The following BBX variants were observed in gnomAD, a reference collection of about 807,000 sequenced individuals.
The protein encoded by BBX is HMG box transcription factor BBX.
A neutral mutation model predicts 100.2 loss-of-function variants in BBX; 30 were observed. That is an observed-to-expected ratio of 0.30 (90% CI 0.22 to 0.41). The LOEUF is 0.41. Among genes scored for constraint, BBX ranks in the 10% least tolerant of loss-of-function variants. The pLI, the probability that BBX is intolerant of heterozygous loss-of-function variation, is 1.00. For synonymous variants in BBX, 376 were observed against 388.1 expected, an observed-to-expected ratio of 0.97 and a Z score of 0.37; for missense variants, 1,023 against 1,129.8, an observed-to-expected ratio of 0.91 and a Z score of 1.35.
At chr3:107,758,673 C>T (rs1189311978) in intron 10 of BBX, among the ~76,000 whole-genome samples, 19 of 152,158 alleles carry the variant, frequency 1.2e-4, no homozygotes, top group Admixed American at 1.1e-3. Flanking sequence ...GGGCACATCC[C>T]CTCTGATTAG....
chr3:107,764,056 G>C (rs932163985), intron 10 of BBX, among the ~76,000 whole-genome samples: 1 of 152,098 alleles, frequency 6.6e-6, no homozygotes, highest in Non-Finnish European at 1.5e-5. Context: ...GCAGTGGCAC[G>C]ATCTCAGCTC....
Position 107,789,869 on chromosome 3 carries a change from G to A in BBX, c.2286G>A (p.Pro762=), listed in dbSNP as rs1381584838. Residue 762 remains proline, a synonymous_variant, in exon 14 of 18, where the codon CCG becomes CCA. Coordinates refer to ENST00000325805, the MANE Select transcript of BBX (RefSeq NM_001142568.3). ...ACAAAAAGGAGAAGCCCAATGTTCC[G>A]GAAAAAGGTATTGGTGCCCTCCATC... ...YKHKKEKPNV[P]EKGSGDKWSN... The A allele has an allele frequency of 5.8e-6, 9 of 1,547,612 alleles. No individual in the cohort carries two copies. Among genetic ancestry groups the A allele is most frequent in the South Asian group, 3.6e-5 (3 of 83,740 alleles).
At chr3:107,626,194 A>G (rs867689297) in intron 2 of BBX, among the ~76,000 whole-genome samples, 2 of 152,344 alleles carry the variant, frequency 1.3e-5, no homozygotes, top group East Asian at 1.9e-4. Flanking sequence ...AACATGTTCT[A>G]TATGGGTGAC....
chr3:107,647,333 A>T (rs1158178250), intron 3 of BBX, among the ~76,000 whole-genome samples: 1 of 152,228 alleles, frequency 6.6e-6, no homozygotes, highest in African/African-American at 2.4e-5. Context: ...AAAGCCGGAC[A>T]CTTTATCTGA....
intron 2 of BBX, among the ~76,000 whole-genome samples, chr3:107,620,668 A>G (rs774696715): frequency 2.0e-5 from 3 of 152,128 alleles, no homozygotes; most frequent in African/African-American, 7.2e-5. Flanking sequence ...GGCACAGTCT[A>G]CCTTTCACCA....
chr3:107,789,828 G>A lies in BBX; in HGVS notation c.2245G>A (p.Val749Ile), dbSNP rs566372080. Residue 749 changes from valine (V) to isoleucine (I), a missense_variant, in exon 14 of 18, where the codon GTC becomes ATC. Transcript: ENST00000325805. ...GAAAAAGAACTTATTCCACAAAATT[G>A]TCAGCAAATATAAGCACAAAAAGGA... ...SQKKNLFHKIVSKYKHKKEKP... is the reference protein window; with the variant it reads ...SQKKNLFHKIISKYKHKKEKP... 6 of 1,550,008 alleles carry A rather than the reference G, an allele frequency of 3.9e-6. No individual in the cohort carries two copies. The East Asian group carries it at 1.5e-4, about 38-fold the overall frequency.
At chr3:107,531,286 G>T (rs2048143772) in intron 2 of BBX, among the ~76,000 whole-genome samples, 1 of 152,138 alleles carries the variant, frequency 6.6e-6, no homozygotes, top group African/African-American at 2.4e-5. Context: ...GTAGTACAAG[G>T]AACAGAGGCC....
rs200479657 is a variant in BBX at position 107,773,176 on chromosome 3, C to T, written c.1455C>T (p.Ser485=). 3.7e-5 allele frequency: 59 copies of T among 1,614,046 alleles called. No homozygotes were observed. The Middle Eastern group carries it at 9.9e-4, about 27-fold the overall frequency. ...AGTCTTCGGAATCTGACATTGAGAG[C>T]GTCATATATACCATTGAAGCCGTCG... ...KRQSSESDIE[S]VIYTIEAVAK... Residue 485 remains serine (S), a synonymous_variant, in exon 11 of 18, where the codon AGC becomes AGT. Coordinates refer to ENST00000325805, the MANE Select transcript of BBX (RefSeq NM_001142568.3). The surrounding 1 kb of genome is among the most constrained non-coding windows in gnomAD (Gnocchi z 4.1).
chr3:107,737,247 A>G (rs2063696661), intron 7 of BBX, among the ~76,000 whole-genome samples: 1 of 152,132 alleles, frequency 6.6e-6, no homozygotes, highest in Non-Finnish European at 1.5e-5. Flanking sequence ...TTTAAATTAT[A>G]TCAGACATTT....
intron 2 of BBX, among the ~76,000 whole-genome samples, chr3:107,636,336 A>G (rs985104575): frequency 6.6e-6 from 1 of 152,194 alleles, no homozygotes; most frequent in African/African-American, 2.4e-5. Context: ...TTACCAAGGA[A>G]TGGAGGTGGG....
rs767972391 is a variant in BBX at position 107,773,277 on chromosome 3, G to A, written c.1556G>A (p.Gly519Glu). The part of the protein sequence containing the change: ...KKVRTSSSGK[G>E]SILDAKPPKK... ...GTCCGCACATCCTCAAGTGGCAAGG[G>A]AAGCATTTTGGATGCCAAGCCACCA... The change falls in exon 11 of 18, where the codon GGA becomes GAA. Residue 519 changes from glycine (G) to glutamate (E), a missense_variant. Physicochemically the swap from Gly to Glu is moderately conservative, Grantham distance 98. Coordinates refer to ENST00000325805, the MANE Select transcript of BBX (RefSeq NM_001142568.3). The surrounding 1 kb of genome is among the most constrained non-coding windows in gnomAD (Gnocchi z 4.1). 1.9e-6 allele frequency: 3 copies of A among 1,613,912 alleles called. No homozygotes were observed. Among genetic ancestry groups the A allele is most frequent in the Non-Finnish European group, 2.5e-6 (3 of 1,179,972 alleles).
chr3:107,667,464 AC>A (rs888989284), intron 3 of BBX, among the ~76,000 whole-genome samples: 1 of 151,912 alleles, frequency 6.6e-6, no homozygotes, highest in African/African-American at 2.4e-5. Flanking sequence ...TTAAGTTGCA[AC>A]AAATATTAAA....
intron 2 of BBX, among the ~76,000 whole-genome samples, chr3:107,642,979 C>A (rs756476257): frequency 1.3e-5 from 2 of 152,130 alleles, no homozygotes; most frequent in Non-Finnish European, 2.9e-5. Context: ...ATTAAATATT[C>A]TTCTGTGTAA....
chr3:107,778,348 A>G (rs542422722), intron 12 of BBX, 23 bp from the exon 13 acceptor site: 2 of 1,612,622 alleles, frequency 1.2e-6, no homozygotes, highest in African/African-American at 1.3e-5. Flanking sequence ...GTGCTGATTG[A>G]TTCCCCTCTC....
chr3:107,595,322 C>G (rs1200084488), intron 2 of BBX, among the ~76,000 whole-genome samples: 1 of 152,116 alleles, frequency 6.6e-6, no homozygotes, highest in Admixed American at 6.6e-5. Context: ...AATAAGGGGC[C>G]TAGCTTACCA....
chr3:107,744,774 G>A lies in BBX; in HGVS notation c.750+64G>A, dbSNP rs113140162. 7.7e-6 allele frequency: 10 copies of A among 1,300,600 alleles called. No individual in the cohort carries two copies. The African/African-American group carries it at 8.7e-5, about 11-fold the overall frequency. The allele number at this position is 1,300,600 out of a possible 1,614,324, so 80.6% of individuals were successfully genotyped here. A position where few individuals can be genotyped will look rare whatever the true frequency, so the allele number is the denominator to read the frequency against. ...TGTAAAGTGGGCTTAAATTGGGGCT[G>A]ATAACAGTAACTGAAAGCAATGAAG... On this transcript the variant is annotated intron_variant, in intron 8 of 17. Transcript: ENST00000325805.
intron 5 of BBX, among the ~76,000 whole-genome samples, chr3:107,726,238 C>T (rs770735245): frequency 1.3e-5 from 2 of 151,894 alleles, no homozygotes; most frequent in African/African-American, 4.8e-5. Context: ...TAAATCAGAG[C>T]GAGTGATTGA....
chr3:107,653,453 T>A (rs757591372), intron 3 of BBX, among the ~76,000 whole-genome samples: 7 of 151,976 alleles, frequency 4.6e-5, no homozygotes, highest in Non-Finnish European at 8.8e-5. Context: ...ACCAGAAAGG[T>A]TGACTGAAGT....
At chr3:107,719,862 T>C (rs761413096) in intron 5 of BBX, among the ~76,000 whole-genome samples, 12 of 152,068 alleles carry the variant, frequency 7.9e-5, no homozygotes, top group Non-Finnish European at 1.3e-4. Context: ...GCAATACTGC[T>C]GGAACCTTCT....
Sources: allele counts gnomAD v4.1 joint callset (sites outside exome capture counted in the v4.1 genomes callset), GRCh38; gene constraint gnomAD v4.1.1; non-coding constraint Gnocchi (gnomAD v3.1); transcripts MANE v1.5; gene names NCBI Gene and HGNC (gene_info 2026-07-23, HGNC 2026-07-21).